The following TNFRSF11A variants were observed in gnomAD, a reference collection of about 807,000 sequenced individuals.
TNFRSF11A encodes tumor necrosis factor receptor superfamily member 11A.
TNFRSF11A carries 32 observed loss-of-function variants against 55.7 expected under a neutral mutation model. The observed-to-expected ratio is 0.57, with a 90% confidence interval of 0.43 to 0.77. TNFRSF11A has a LOEUF of 0.77. Among genes scored for constraint, TNFRSF11A ranks in the 30% least tolerant of loss-of-function variants. TNFRSF11A has a pLI of 0.00. For synonymous variants in TNFRSF11A, 311 were observed against 331.0 expected, an observed-to-expected ratio of 0.94 and a Z score of 0.65; for missense variants, 753 against 809.8, an observed-to-expected ratio of 0.93 and a Z score of 0.85.
At chr18:62,373,562 A>G (rs1357167826) in intron 9 of TNFRSF11A, among the ~76,000 whole-genome samples, 1 of 152,252 alleles carries the variant, frequency 6.6e-6, no homozygotes, top group Non-Finnish European at 1.5e-5. Context: ...TCATCCATTC[A>G]GGAATAAATA....
chr18:62,353,615 A>C (rs550592252), intron 3 of TNFRSF11A, among the ~76,000 whole-genome samples: 3 of 152,336 alleles, frequency 2.0e-5, no homozygotes, highest in Non-Finnish European at 4.4e-5. Context: ...TTTATTGAGC[A>C]GGTGAATTCA....
intron 3 of TNFRSF11A, among the ~76,000 whole-genome samples, 199 bp from the exon 4 acceptor site, chr18:62,354,192 C>G (rs550693551): frequency 6.6e-6 from 1 of 152,196 alleles, no homozygotes; most frequent in Non-Finnish European, 1.5e-5. Flanking sequence ...GAGAAGAACC[C>G]CCCCGTGACG....
At chr18:62,329,742 A>C (rs1256918483) in intron 1 of TNFRSF11A, among the ~76,000 whole-genome samples, 1 of 151,910 alleles carries the variant, frequency 6.6e-6, no homozygotes, top group Non-Finnish European at 1.5e-5. Context: ...TCTGAGAGAC[A>C]CTCTATTTCC....
chr18:62,337,351 C>T (rs2046249708), intron 1 of TNFRSF11A, among the ~76,000 whole-genome samples: 1 of 152,034 alleles, frequency 6.6e-6, no homozygotes, highest in Non-Finnish European at 1.5e-5. Flanking sequence ...GCATGAAGTG[C>T]CTAGTATTTA....
intron 1 of TNFRSF11A, chr18:62,336,360 T>C (rs1283820646): frequency 6.6e-6 from 1 of 152,184 alleles, no homozygotes; most frequent in Non-Finnish European, 1.5e-5. Context: ...CCCTGAAGGC[T>C]GGGCAGTGAA....
chr18:62,354,669 G>C, intron 4 of TNFRSF11A, 135 bp downstream of exon 4: 1 of 1,336,336 alleles, frequency 7.5e-7, no homozygotes, highest in Non-Finnish European at 1.0e-6. Context: ...ATGGGGAAAG[G>C]TGGGGGCTGA....
chr18:62,360,142 G>A (rs1160984900), intron 6 of TNFRSF11A, 93 bp downstream of exon 6: 23 of 906,788 alleles, frequency 2.5e-5, no homozygotes, highest in South Asian at 1.4e-4. Flanking sequence ...ATTTGCGGGC[G>A]TCCTCTCCCC....
At chr18:62,356,200 C>G (rs1477956671) in intron 4 of TNFRSF11A, among the ~76,000 whole-genome samples, 1 of 152,114 alleles carries the variant, frequency 6.6e-6, no homozygotes, top group African/African-American at 2.4e-5. Context: ...TGGTTTTAAC[C>G]CAAAATACTT....
chr18:62,341,659 T>G (rs2046311395), intron 1 of TNFRSF11A, among the ~76,000 whole-genome samples: 1 of 152,186 alleles, frequency 6.6e-6, no homozygotes. Flanking sequence ...AGCAGCCTAC[T>G]AGAAAGGTCT....
At position 62,325,513 on chromosome 18, in the gene TNFRSF11A, C is replaced by T. The variant is rs1223565134; in HGVS notation, c.75+86C>T. ...AGGGCCGGGGCCGGCGGCATCCTGG[C>T]TCCTCCGCCTTCCGAGAGGAGCCGG... On this transcript the variant is annotated intron_variant, in intron 1 of 9. Transcript: ENST00000586569. The surrounding 1 kb of genome is among the most constrained non-coding windows in gnomAD (Gnocchi z 4.7). The T allele has an allele frequency of 2.2e-6, 2 of 903,122 alleles. No homozygotes were observed. The highest frequency in any genetic ancestry group is 5.5e-5 in the East Asian group (1 of 18,250). 55.9% of individuals were successfully genotyped at this position (903,122 alleles called of 1,614,324 possible). A position where few individuals can be genotyped will look rare whatever the true frequency, so the allele number is the denominator to read the frequency against.
intron 1 of TNFRSF11A, among the ~76,000 whole-genome samples, chr18:62,346,497 CCCAG>C (rs1254852594): frequency 1.3e-4 from 20 of 152,200 alleles, no homozygotes; most frequent in African/African-American, 4.8e-4. Flanking sequence ...GACTCTGTCA[CCCAG>C]TGAATACATG....
chr18:62,333,895 C>T (rs1383078636), intron 1 of TNFRSF11A, among the ~76,000 whole-genome samples: 1 of 150,912 alleles, frequency 6.6e-6, no homozygotes, highest in East Asian at 1.9e-4. Context: ...GAAGGAGTCT[C>T]ACTCTGTCGC....
chr18:62,329,307 G>A (rs1359951878), intron 1 of TNFRSF11A, among the ~76,000 whole-genome samples: 4 of 152,152 alleles, frequency 2.6e-5, no homozygotes, highest in Non-Finnish European at 5.9e-5. Context: ...GTGGCCCATG[G>A]CCTGACTGCT....
At chr18:62,346,472 A>G (rs890386125) in intron 1 of TNFRSF11A, among the ~76,000 whole-genome samples, 4 of 152,176 alleles carry the variant, frequency 2.6e-5, no homozygotes, top group East Asian at 1.9e-4. Flanking sequence ...GCTGGGCTCA[A>G]TGCAGCTTCC....
intron 4 of TNFRSF11A, 87 bp downstream of exon 4, chr18:62,354,621 G>A (rs1909115543): frequency 1.3e-6 from 2 of 1,580,382 alleles, no homozygotes; most frequent in East Asian, 2.2e-5. Flanking sequence ...CAGCAAGAAA[G>A]CTCCAGGGTG....
At chr18:62,376,339 G>A (rs914280995) in intron 9 of TNFRSF11A, among the ~76,000 whole-genome samples, 4 of 133,726 alleles carry the variant, frequency 3.0e-5, no homozygotes, top group African/African-American at 5.8e-5. Context: ...AGGCAGCCTC[G>A]AAGGGGAACA....
At chr18:62,364,536 T>G (rs190333920) in intron 7 of TNFRSF11A, among the ~76,000 whole-genome samples, 58 of 152,206 alleles carry the variant, frequency 3.8e-4, no homozygotes, top group African/African-American at 1.4e-3. Flanking sequence ...GGTCTGCATG[T>G]TTATCAGCTC....
At chr18:62,382,025 A>G (rs1256404513) in intron 9 of TNFRSF11A, among the ~76,000 whole-genome samples, 1 of 151,774 alleles carries the variant, frequency 6.6e-6, no homozygotes, top group Admixed American at 6.6e-5. Context: ...TTTTTTACTT[A>G]AAACATATAC....
At chr18:62,358,493 TG>T in intron 5 of TNFRSF11A, 152 bp downstream of exon 5, 1 of 760,292 alleles carries the variant, frequency 1.3e-6, no homozygotes, top group East Asian at 2.6e-5. Flanking sequence ...CAATTCAGCC[TG>T]GGGAAAATAA....
Sources: gnomAD v4.1 joint callset for allele counts (sites outside exome capture counted in the v4.1 genomes callset) on GRCh38, gnomAD v4.1.1 for gene constraint, Gnocchi (gnomAD v3.1) non-coding constraint, MANE v1.5 for transcripts, NCBI Gene and HGNC (gene_info 2026-07-23, HGNC 2026-07-21) for gene names.